Variants in RYK observed in about 807,000 individuals in gnomAD.
RYK encodes the protein inactive tyrosine-protein kinase RYK.
Under a neutral mutation model 70.2 loss-of-function variants are expected in RYK, and 21 were observed. That is an observed-to-expected ratio of 0.30 (90% CI 0.21 to 0.43). The LOEUF (loss-of-function observed/expected upper bound fraction) is 0.43. Ranked by LOEUF, RYK falls within the 20% of genes least tolerant of loss-of-function variation. The pLI, the probability that RYK is intolerant of heterozygous loss-of-function variation, is 1.00. For synonymous variants in RYK, 267 were observed against 278.0 expected, an observed-to-expected ratio of 0.96 and a Z score of 0.39; for missense variants, 604 against 753.3, an observed-to-expected ratio of 0.80 and a Z score of 2.32.
Position 134,222,554 on chromosome 3 carries a change from GA to G in RYK, c.233-16del. ...TGCATCAAGACCTAGAAAAAAATAGGAAAAAAATAATTAAACACTTAAAATA... is the reference window on the plus strand; with the variant it reads ...TGCATCAAGACCTAGAAAAAAATAGGAAAAAATAATTAAACACTTAAAATA... On this transcript the variant is annotated splice_polypyrimidine_tract_variant and intron_variant, in intron 1 of 14. Transcript: ENST00000623711. The G allele has an allele frequency of 1.3e-6, 2 of 1,553,854 alleles. No homozygotes were observed. The highest frequency in any genetic ancestry group is 8.8e-7 in the Non-Finnish European group (1 of 1,141,502).
At chr3:134,196,949 C>T (rs1192137486) in intron 6 of RYK, among the ~76,000 whole-genome samples, 1 of 152,140 alleles carries the variant, frequency 6.6e-6, no homozygotes, top group Non-Finnish European at 1.5e-5. Context: ...CCCCAGCATG[C>T]CTTCCCTGAA....
In RYK at chr3:134,166,551, G is replaced by A. The variant is rs1215732371; in HGVS notation, c.1576-7178C>T. ...GAATCTGCCCCACGATCTGTGATTA[G>A]GAAAGACAGAGGAGCCAACATTGGA... On this transcript the variant is annotated intron_variant, in intron 13 of 14. Coordinates refer to ENST00000623711, the MANE Select transcript of RYK (RefSeq NM_002958.4). 3.9e-5 allele frequency among the ~76,000 whole-genome samples: 6 copies of A among 152,302 alleles called. No homozygotes were observed. In the East Asian group the frequency reaches 1.2e-3, roughly 29 times the overall value.
rs564644427 is a variant in RYK, at chr3:134,176,577, C to T, written c.1306-538G>A. On this transcript the variant is annotated intron_variant, in intron 11 of 14. Transcript: ENST00000623711. ...AACATACTGAGGCCCTGTCTCTACACAAAATGATTTTTTTTTAAATTAGCC... is the reference window on the plus strand; with the variant it reads ...AACATACTGAGGCCCTGTCTCTACATAAAATGATTTTTTTTTAAATTAGCC... 5.4e-5 allele frequency among the ~76,000 whole-genome samples: 8 copies of T among 148,952 alleles called. No individual in the cohort carries two copies. In the South Asian group the frequency reaches 9.5e-4, roughly 18 times the overall value.
chr3:134,176,266 T>G (rs2013096061), intron 11 of RYK, among the ~76,000 whole-genome samples: 1 of 152,244 alleles, frequency 6.6e-6, no homozygotes, highest in African/African-American at 2.4e-5. Flanking sequence ...TCTGTCTCCT[T>G]TCATCTGTTA....
chr3:134,186,980 C>T (rs935662553), intron 9 of RYK, among the ~76,000 whole-genome samples: 1 of 152,166 alleles, frequency 6.6e-6, no homozygotes, highest in African/African-American at 2.4e-5. Context: ...TATGTAAACT[C>T]TCCTAGTCAG....
chr3:134,250,595 G>A lies in RYK; in HGVS notation c.60C>T (p.Gly20=). Residue 20 remains glycine (G), a synonymous_variant, in exon 1 of 15, where the codon GGC becomes GGT. Transcript: ENST00000623711. The part of the protein sequence containing the change: ...PGRSCLPGAR[G]LRAPPPPPLL... ...GCGGCGGCGGCGGCGGGGCCCTCAG[G>A]CCGCGGGCCCCCGGGAGGCAACTCC... 2.8e-6 allele frequency: 3 copies of A among 1,066,524 alleles called. No homozygotes were observed. Among genetic ancestry groups the A allele is most frequent in the Non-Finnish European group, 3.4e-6 (3 of 875,214 alleles). The allele number at this position is 1,066,524 out of a possible 1,614,324, so 66.1% of individuals were successfully genotyped here.
chr3:134,234,033 A>T (rs1370549402), intron 1 of RYK, among the ~76,000 whole-genome samples: 2 of 152,156 alleles, frequency 1.3e-5, no homozygotes, highest in African/African-American at 4.8e-5. Flanking sequence ...ACAGTGGTTG[A>T]ATATAAATAG....
intron 1 of RYK, among the ~76,000 whole-genome samples, chr3:134,231,147 C>G: frequency 6.6e-6 from 1 of 150,642 alleles, no homozygotes. Flanking sequence ...AAATTCAACT[C>G]CATGTTAAGC....
At chr3:134,189,517 T>C (rs1051843149) in intron 8 of RYK, among the ~76,000 whole-genome samples, 1 of 151,860 alleles carries the variant, frequency 6.6e-6, no homozygotes, top group Admixed American at 6.6e-5. Flanking sequence ...TCCCAGCACT[T>C]TGGGAGGCCG....
chr3:134,196,582 AACAC>A (rs57185535), intron 6 of RYK, among the ~76,000 whole-genome samples: 4,288 of 128,390 alleles, frequency 0.033, 74 homozygotes, highest in African/African-American at 0.051. Context: ...TCTGAAACAA[AACAC>A]ACACACACAC....
At chr3:134,217,178 C>A (rs996288625) in intron 2 of RYK, among the ~76,000 whole-genome samples, 4 of 152,158 alleles carry the variant, frequency 2.6e-5, no homozygotes, top group Non-Finnish European at 5.9e-5. Context: ...GATGTTGAAC[C>A]GACACATATC....
chr3:134,186,193 A>C (rs2013454565), intron 9 of RYK, among the ~76,000 whole-genome samples: 1 of 152,228 alleles, frequency 6.6e-6, no homozygotes, highest in Non-Finnish European at 1.5e-5. Context: ...TATTTTATGG[A>C]ATTCAATTTC....
At chr3:134,166,784 C>T (rs1387346564) in intron 13 of RYK, among the ~76,000 whole-genome samples, 4 of 152,132 alleles carry the variant, frequency 2.6e-5, no homozygotes, top group African/African-American at 4.8e-5. Flanking sequence ...ACAGAAAACA[C>T]CCAGGCCAAC....
At chr3:134,185,928 C>A (rs1175306229) in intron 9 of RYK, among the ~76,000 whole-genome samples, 1 of 152,070 alleles carries the variant, frequency 6.6e-6, no homozygotes, top group East Asian at 1.9e-4. Flanking sequence ...ATAACTTTAT[C>A]CATTTAGTAA....
At chr3:134,199,746 C>T (rs1012829187) in intron 6 of RYK, among the ~76,000 whole-genome samples, 1 of 152,078 alleles carries the variant, frequency 6.6e-6, no homozygotes, top group Non-Finnish European at 1.5e-5. Context: ...CAGGAAAGGG[C>T]AGAAGAACTT....
chr3:134,240,821 G>C (rs1241957276), intron 1 of RYK, among the ~76,000 whole-genome samples: 5 of 152,202 alleles, frequency 3.3e-5, no homozygotes, highest in Non-Finnish European at 7.3e-5. Flanking sequence ...AAAAAAGGCT[G>C]AGAACCACTG....
intron 6 of RYK, among the ~76,000 whole-genome samples, chr3:134,198,650 G>T (rs2013890429): frequency 6.6e-6 from 1 of 152,152 alleles, no homozygotes; most frequent in South Asian, 2.1e-4. Context: ...GTCAATCAAT[G>T]AACAGAGAAA....
At chr3:134,184,268 T>C (rs1038211272) in intron 9 of RYK, among the ~76,000 whole-genome samples, 1 of 152,200 alleles carries the variant, frequency 6.6e-6, no homozygotes, top group African/African-American at 2.4e-5. Flanking sequence ...ACAGAACAAA[T>C]GAACTTTTAG....
At chr3:134,217,515 A>G (rs1289913533) in intron 2 of RYK, among the ~76,000 whole-genome samples, 1 of 152,208 alleles carries the variant, frequency 6.6e-6, no homozygotes, top group African/African-American at 2.4e-5. Context: ...CAACTATATA[A>G]TAATAAGTAA....
Sources: allele counts gnomAD v4.1 joint callset (sites outside exome capture counted in the v4.1 genomes callset), GRCh38; gene constraint gnomAD v4.1.1; transcripts MANE v1.5; gene names NCBI Gene and HGNC (gene_info 2026-07-23, HGNC 2026-07-21).